The following BLTP3A variants were observed in gnomAD, a reference collection of about 807,000 sequenced individuals.
The protein encoded by BLTP3A is bridge-like lipid transfer protein family member 3A, also known as ICBP90 binding protein 1.
the BLTP3A span, among the ~76,000 whole-genome samples, chr6:34,794,125 A>G: frequency 4.6e-5 from 7 of 151,266 alleles, no homozygotes; most frequent in African/African-American, 1.7e-4. Flanking sequence ...TCGCCACAGC[A>G]CTCCAGCCTA....
chr6:34,870,840 C>A, the BLTP3A span: 3 of 1,611,988 alleles, frequency 1.9e-6, no homozygotes, highest in South Asian at 2.2e-5. Context: ...TCTTCCTTGT[C>A]TTTCTTCACA....
At chr6:34,827,536 T>C in the BLTP3A span, among the ~76,000 whole-genome samples, 288 of 152,352 alleles carry the variant, frequency 1.9e-3, 1 homozygote, top group Middle Eastern at 0.014. Flanking sequence ...TCAATAACAC[T>C]ACTACTGAAT....
chr6:34,805,007 G>C, the BLTP3A span, among the ~76,000 whole-genome samples: 2 of 152,108 alleles, frequency 1.3e-5, no homozygotes, highest in Non-Finnish European at 2.9e-5. Context: ...AATTTAAAAT[G>C]TATAGGCCGG....
the BLTP3A span, among the ~76,000 whole-genome samples, chr6:34,835,665 G>T: frequency 1.3e-5 from 2 of 152,114 alleles, no homozygotes; most frequent in African/African-American, 4.8e-5. Flanking sequence ...TACAGTGCTG[G>T]CCACTGGAGA....
chr6:34,821,325 C>A, the BLTP3A span: 2 of 195,570 alleles, frequency 1.0e-5, no homozygotes, highest in Admixed American at 1.1e-4. Flanking sequence ...ACAGCTATTG[C>A]CCCAGAATCC....
the BLTP3A span, chr6:34,835,185 C>G: frequency 1.7e-6 from 2 of 1,183,862 alleles, no homozygotes; most frequent in Non-Finnish European, 2.4e-6. Flanking sequence ...TTGATACTTT[C>G]ACATATTGGA....
the BLTP3A span, among the ~76,000 whole-genome samples, chr6:34,829,256 C>G: frequency 0.44 from 66,514 of 151,908 alleles, 16,368 homozygotes; most frequent in African/African-American, 0.67. Context: ...GCAGTCACTC[C>G]TCGTTCTTCC....
the BLTP3A span, chr6:34,822,002 G>T: frequency 2.6e-5 from 42 of 1,612,576 alleles, no homozygotes; most frequent in South Asian, 4.1e-4. Context: ...GATGGCCAGG[G>T]TAGGCTTTTA....
the BLTP3A span, among the ~76,000 whole-genome samples, chr6:34,819,443 G>T: frequency 6.6e-6 from 1 of 152,026 alleles, no homozygotes; most frequent in African/African-American, 2.4e-5. Context: ...GGAGTAGTTA[G>T]CCAGCAGGGC....
the BLTP3A span, chr6:34,877,235 C>T: frequency 3.3e-5 from 5 of 152,594 alleles, no homozygotes; most frequent in Admixed American, 1.3e-4. Flanking sequence ...GAAAGCTTCA[C>T]GAGAGAACAG....
At chr6:34,798,687 A>C in the BLTP3A span, among the ~76,000 whole-genome samples, 1 of 148,248 alleles carries the variant, frequency 6.7e-6, no homozygotes, top group East Asian at 2.0e-4. Context: ...GAGGTATTTA[A>C]AATTTTAGTC....
the BLTP3A span, chr6:34,856,190 C>T: frequency 3.8e-6 from 6 of 1,579,688 alleles, no homozygotes; most frequent in East Asian, 2.3e-5. Flanking sequence ...AAAATTGGAA[C>T]ATTCATCATG....
the BLTP3A span, among the ~76,000 whole-genome samples, chr6:34,845,484 T>G: frequency 6.6e-6 from 1 of 152,216 alleles, no homozygotes; most frequent in African/African-American, 2.4e-5. Context: ...AGTGGTACAA[T>G]CATGGCTCAC....
the BLTP3A span, among the ~76,000 whole-genome samples, chr6:34,855,239 T>C: frequency 1.8e-3 from 268 of 152,278 alleles, no homozygotes; most frequent in African/African-American, 6.0e-3. Flanking sequence ...TTCTGCCTCT[T>C]CGTGTGTTGT....
the BLTP3A span, among the ~76,000 whole-genome samples, chr6:34,803,304 G>T: frequency 4.6e-5 from 7 of 150,602 alleles, no homozygotes; most frequent in Non-Finnish European, 1.0e-4. Context: ...AATTTCTTTT[G>T]TATGAAATTT....
chr6:34,844,395 C>T, the BLTP3A span, among the ~76,000 whole-genome samples: 3 of 152,192 alleles, frequency 2.0e-5, no homozygotes, highest in African/African-American at 7.2e-5. Context: ...ATGCCTCACC[C>T]TCCCGAGTAG....
the BLTP3A span, chr6:34,867,729 C>A: frequency 7.3e-7 from 1 of 1,362,192 alleles, no homozygotes; most frequent in South Asian, 1.5e-5. Flanking sequence ...GTGCCAAGTT[C>A]TCTCCAGCAG....
At chr6:34,822,215 C>A in the BLTP3A span, among the ~76,000 whole-genome samples, 1 of 151,370 alleles carries the variant, frequency 6.6e-6, no homozygotes, top group African/African-American at 2.4e-5. Context: ...TTATGGCTGC[C>A]TAGGCTCTAC....
chr6:34,869,290 C>T, the BLTP3A span, among the ~76,000 whole-genome samples: 1 of 152,144 alleles, frequency 6.6e-6, no homozygotes, highest in Non-Finnish European at 1.5e-5. Context: ...GCCTGAGCCA[C>T]CATGCCTGGC....
Sources: gnomAD v4.1 joint callset for allele counts (sites outside exome capture counted in the v4.1 genomes callset) on GRCh38, gnomAD v4.1.1 for gene constraint, MANE v1.5 for transcripts, NCBI Gene and HGNC (gene_info 2026-07-23, HGNC 2026-07-21) for gene names.